Variants in TTC28 observed in about 807,000 individuals in gnomAD.
TTC28 encodes tetratricopeptide repeat protein 28.
Under a neutral mutation model 198.0 loss-of-function variants are expected in TTC28, and 61 were observed. The ratio of observed to expected loss-of-function variants is 0.31; its 90% CI spans 0.25 to 0.38. The LOEUF is 0.38. Ranked by LOEUF, TTC28 falls within the 10% of genes least tolerant of loss-of-function variation. The probability of loss-of-function intolerance (pLI) is 1.00; values close to 1 mark genes in which losing one functional copy is unlikely to be tolerated. For missense variants in TTC28, 2,678 were observed against 3,164.0 expected, an observed-to-expected ratio of 0.85 and a Z score of 3.69; for synonymous variants, 1,171 against 1,297.8, an observed-to-expected ratio of 0.90 and a Z score of 2.10.
chr22:28,648,147 C>G (rs1410607755), intron 1 of TTC28, among the ~76,000 whole-genome samples: 1 of 150,408 alleles, frequency 6.6e-6, no homozygotes, highest in African/African-American at 2.5e-5. Flanking sequence ...TGTCGTGAAC[C>G]CAGGAGGCGG....
At chr22:28,533,529 G>A (rs924703095) in intron 2 of TTC28, among the ~76,000 whole-genome samples, 1 of 151,942 alleles carries the variant, frequency 6.6e-6, no homozygotes, top group African/African-American at 2.4e-5. Flanking sequence ...AGCTACCAAT[G>A]ACTTTCTTCA....
In TTC28 at chr22:28,056,389, G is replaced by A. The variant is rs952098905; in HGVS notation, c.3933-26023C>T. On this transcript the variant is annotated intron_variant, in intron 12 of 22. Transcript: ENST00000397906. ...AGCACCCTACAGCCCACAGCTCCTG[G>A]GCTCAAGTGGTCCTCCTGCCTCAGT... 2.6e-5 allele frequency: 4 copies of A among 152,308 alleles called. No individual in the cohort carries two copies. The South Asian group carries it at 8.3e-4, about 32-fold the overall frequency. 9.4% of individuals were successfully genotyped at this position (152,308 alleles called of 1,614,324 possible).
intron 2 of TTC28, among the ~76,000 whole-genome samples, chr22:28,627,537 T>C (rs2051095757): frequency 6.6e-6 from 1 of 151,360 alleles, no homozygotes; most frequent in South Asian, 2.1e-4. Flanking sequence ...GTTCAAGCAA[T>C]TCTCCTGCCT....
intron 13 of TTC28, among the ~76,000 whole-genome samples, chr22:28,020,539 G>A (rs985678402): frequency 4.6e-5 from 7 of 152,134 alleles, no homozygotes; most frequent in Non-Finnish European, 7.3e-5. Flanking sequence ...GGCTGGGCTC[G>A]TGAATCTTCC....
intron 2 of TTC28, among the ~76,000 whole-genome samples, chr22:28,499,012 CA>C (rs532258555): frequency 1.3e-5 from 2 of 151,660 alleles, no homozygotes; most frequent in East Asian, 1.9e-4. Flanking sequence ...CCCATCTCTG[CA>C]AAAAAAATTT....
At chr22:28,206,342 G>A (rs1464006335) in intron 5 of TTC28, among the ~76,000 whole-genome samples, 6 of 152,062 alleles carry the variant, frequency 3.9e-5, no homozygotes, top group Admixed American at 3.3e-4. Context: ...ACAAGTTATG[G>A]TCCTACACAC....
intron 5 of TTC28, among the ~76,000 whole-genome samples, chr22:28,225,999 G>A (rs1239383431): frequency 6.6e-6 from 1 of 152,210 alleles, no homozygotes; most frequent in African/African-American, 2.4e-5. Flanking sequence ...GAAGTATTCT[G>A]TTGTTTGGAT....
At chr22:28,413,177 TG>T (rs1302206674) in intron 2 of TTC28, among the ~76,000 whole-genome samples, 1 of 152,158 alleles carries the variant, frequency 6.6e-6, no homozygotes, top group African/African-American at 2.4e-5. Context: ...GCCTCACGCC[TG>T]TAATTCCAGA....
intron 2 of TTC28, among the ~76,000 whole-genome samples, chr22:28,495,227 A>G (rs2048437839): frequency 6.6e-6 from 1 of 152,314 alleles, no homozygotes; most frequent in Admixed American, 6.5e-5. Flanking sequence ...GAAGTTGTCC[A>G]TTAAGTAACC....
chr22:28,448,908 C>T (rs1399871379), intron 2 of TTC28, among the ~76,000 whole-genome samples: 3 of 152,148 alleles, frequency 2.0e-5, no homozygotes, highest in African/African-American at 7.2e-5. Context: ...TTACTGAGTA[C>T]TCATTATGTA....
At chr22:28,180,553 T>C (rs983760588) in intron 5 of TTC28, among the ~76,000 whole-genome samples, 2 of 152,052 alleles carry the variant, frequency 1.3e-5, no homozygotes, top group Non-Finnish European at 2.9e-5. Context: ...AACAACCAGA[T>C]AGAATCCCAA....
At chr22:28,457,749 A>G (rs1056662517) in intron 2 of TTC28, among the ~76,000 whole-genome samples, 1 of 151,992 alleles carries the variant, frequency 6.6e-6, no homozygotes, top group African/African-American at 2.4e-5. Flanking sequence ...CATTAGCTTT[A>G]TTTTTTCAAA....
chr22:28,330,514 C>A (rs2145872790), intron 2 of TTC28, among the ~76,000 whole-genome samples: 1 of 152,272 alleles, frequency 6.6e-6, no homozygotes, highest in Admixed American at 6.5e-5. Context: ...CCAAAGACTG[C>A]AAATTGCTAA....
chr22:28,260,026 T>TA (rs1225688276), intron 5 of TTC28, among the ~76,000 whole-genome samples: 1 of 152,188 alleles, frequency 6.6e-6, no homozygotes, highest in Non-Finnish European at 1.5e-5. Context: ...CCACAATTCT[T>TA]ATATTTTCAG....
At chr22:28,552,369 G>A (rs1465839769) in intron 2 of TTC28, among the ~76,000 whole-genome samples, 1 of 151,676 alleles carries the variant, frequency 6.6e-6, no homozygotes, top group Non-Finnish European at 1.5e-5. Flanking sequence ...TTCACGGAAC[G>A]AGAAAAAAAA....
At chr22:27,991,077 G>C (rs766592032) in intron 19 of TTC28, among the ~76,000 whole-genome samples, 1 of 152,118 alleles carries the variant, frequency 6.6e-6, no homozygotes, top group East Asian at 1.9e-4. Context: ...GTAGAGGCTC[G>C]GGAGGGAAAG....
intron 2 of TTC28, among the ~76,000 whole-genome samples, chr22:28,371,078 C>T (rs527433796): frequency 6.6e-5 from 10 of 152,322 alleles, no homozygotes; most frequent in African/African-American, 2.4e-4. Context: ...CCAGGACACA[C>T]TCTTCAACCT....
At chr22:28,224,879 C>T (rs562473809) in intron 5 of TTC28, among the ~76,000 whole-genome samples, 3 of 152,180 alleles carry the variant, frequency 2.0e-5, no homozygotes, top group African/African-American at 7.2e-5. Context: ...GATTCTTGAC[C>T]AGAATATGTT....
Position 28,392,697 on chromosome 22 carries a change from C to T in TTC28, c.382-86054G>A, listed in dbSNP as rs1289372406. Among the ~76,000 whole-genome samples the T allele has an allele frequency of 3.3e-5, 5 of 152,266 alleles. No homozygotes were observed. In the East Asian group the frequency reaches 7.8e-4, roughly 24 times the overall value. ...AGTGAGGCAATGCCTCGCCCTGCTT[C>T]GGCTCACGCATGGTGCGCGCACCCA... is the stretch of plus-strand genomic sequence containing the variant. On this transcript the variant is annotated intron_variant, in intron 2 of 22. Coordinates refer to ENST00000397906, the MANE Select transcript of TTC28 (RefSeq NM_001145418.2).
Sources: gnomAD v4.1 joint callset for allele counts (sites outside exome capture counted in the v4.1 genomes callset) on GRCh38, gnomAD v4.1.1 for gene constraint, MANE v1.5 for transcripts, NCBI Gene and HGNC (gene_info 2026-07-23, HGNC 2026-07-21) for gene names.